The following SMOC1 variants were observed in gnomAD, a reference collection of about 807,000 sequenced individuals.
The protein encoded by SMOC1 is SPARC-related modular calcium-binding protein 1.
In SMOC1, 22 loss-of-function variants were observed where a neutral mutation model predicts 56.3. The observed-to-expected ratio is 0.39, with a 90% confidence interval of 0.28 to 0.56. SMOC1 has a LOEUF of 0.56. Among genes scored for constraint, SMOC1 ranks in the 20% least tolerant of loss-of-function variants. The pLI is 0.61. For missense variants in SMOC1, 509 were observed against 565.4 expected, an observed-to-expected ratio of 0.90 and a Z score of 1.01; for synonymous variants, 193 against 215.0, an observed-to-expected ratio of 0.90 and a Z score of 0.89.
At chr14:69,879,895 T>G in intron 1 of SMOC1, 118 bp downstream of exon 1, 1 of 883,692 alleles carries the variant, frequency 1.1e-6, no homozygotes, top group Non-Finnish European at 1.7e-6. Flanking sequence ...GTCCTCTGTC[T>G]ACTACCAGGT....
chr14:69,969,996 G>A (rs980007037), intron 3 of SMOC1, among the ~76,000 whole-genome samples: 3 of 152,062 alleles, frequency 2.0e-5, no homozygotes, highest in Non-Finnish European at 4.4e-5. Context: ...GGAAAGCAAG[G>A]GTGATTGGTA....
At position 69,978,031 on chromosome 14, in the gene SMOC1, G is replaced by C. The variant is rs1884032533; in HGVS notation, c.526+66G>C. On this transcript the variant is annotated intron_variant, in intron 5 of 11. Transcript: ENST00000361956. ...AAGGTGGTCCAAGCAGGATTTCTTA[G>C]ATGAGATAGAAGGAGCCTGGGGTGA... The C allele has an allele frequency of 3.8e-6, 5 of 1,324,516 alleles. No individual in the cohort carries two copies. The African/African-American group carries it at 7.2e-5, about 19-fold the overall frequency. The allele number at this position is 1,324,516 out of a possible 1,614,324, so 82.0% of individuals were successfully genotyped here. A position where few individuals can be genotyped will look rare whatever the true frequency, so the allele number is the denominator to read the frequency against.
At chr14:69,959,354 C>T (rs550265890) in intron 3 of SMOC1, among the ~76,000 whole-genome samples, 2 of 152,282 alleles carry the variant, frequency 1.3e-5, no homozygotes, top group African/African-American at 2.4e-5. Flanking sequence ...ACTACCACGT[C>T]GCTTTCCATA....
chr14:70,020,236 G>A (rs1172742612), intron 10 of SMOC1, among the ~76,000 whole-genome samples: 1 of 151,700 alleles, frequency 6.6e-6, no homozygotes, highest in African/African-American at 2.4e-5. Flanking sequence ...CTCTGTGTAT[G>A]TCCATTTCTC....
intron 10 of SMOC1, among the ~76,000 whole-genome samples, chr14:70,018,896 G>A (rs764270665): frequency 2.6e-4 from 39 of 152,238 alleles, no homozygotes; most frequent in Non-Finnish European, 4.8e-4. Context: ...CACAGCTGGC[G>A]GGGCCTGGAC....
At chr14:69,901,115 G>C (rs1884231087) in intron 1 of SMOC1, among the ~76,000 whole-genome samples, 1 of 152,212 alleles carries the variant, frequency 6.6e-6, no homozygotes, top group Non-Finnish European at 1.5e-5. Context: ...TAAAATGAGA[G>C]ATATCTTTTC....
At chr14:69,920,713 G>A (rs1473583952) in intron 1 of SMOC1, among the ~76,000 whole-genome samples, 2 of 152,176 alleles carry the variant, frequency 1.3e-5, no homozygotes, top group Non-Finnish European at 2.9e-5. Flanking sequence ...AAAACTTTAC[G>A]TGGGATAAGA....
intron 1 of SMOC1, among the ~76,000 whole-genome samples, chr14:69,903,177 G>A (rs1452919039): frequency 1.3e-5 from 2 of 151,268 alleles, no homozygotes; most frequent in Admixed American, 6.6e-5. Context: ...AGTCAGGAGC[G>A]TCTCTGCCCG....
At chr14:69,970,586 T>C (rs56723492) in intron 3 of SMOC1, among the ~76,000 whole-genome samples, 3,011 of 152,300 alleles carry the variant, frequency 0.02, 92 homozygotes, top group African/African-American at 0.069. Flanking sequence ...AGACCTTTGA[T>C]GGTGACTGAG....
intron 1 of SMOC1, among the ~76,000 whole-genome samples, chr14:69,936,685 C>G (rs1019691968): frequency 3.9e-5 from 6 of 152,200 alleles, no homozygotes; most frequent in Non-Finnish European, 5.9e-5. Context: ...AAAGGCAGGT[C>G]TGGGTCAATC....
At chr14:69,990,619 G>A (rs1302189237) in intron 5 of SMOC1, among the ~76,000 whole-genome samples, 2 of 152,180 alleles carry the variant, frequency 1.3e-5, no homozygotes, top group South Asian at 2.1e-4. Flanking sequence ...GTCAGGGGAA[G>A]TGATGCTATT....
intron 1 of SMOC1, among the ~76,000 whole-genome samples, chr14:69,905,850 C>T (rs570129774): frequency 6.6e-6 from 1 of 152,150 alleles, no homozygotes; most frequent in Non-Finnish European, 1.5e-5. Flanking sequence ...GAGAAGCAGA[C>T]TTGATGAGGG....
At chr14:69,932,450 G>C (rs1451533290) in intron 1 of SMOC1, among the ~76,000 whole-genome samples, 1 of 152,216 alleles carries the variant, frequency 6.6e-6, no homozygotes, top group Non-Finnish European at 1.5e-5. Flanking sequence ...TGAGTGAAAG[G>C]AGTGGTAGAA....
At chr14:69,932,951 T>C (rs1885205470) in intron 1 of SMOC1, among the ~76,000 whole-genome samples, 1 of 152,216 alleles carries the variant, frequency 6.6e-6, no homozygotes, top group Non-Finnish European at 1.5e-5. Flanking sequence ...TTAAAATTTC[T>C]TGAAGACATG....
chr14:69,991,627 A>C (rs1230156496), intron 5 of SMOC1, among the ~76,000 whole-genome samples: 1 of 152,184 alleles, frequency 6.6e-6, no homozygotes, highest in Non-Finnish European at 1.5e-5. Context: ...TGCCAACACT[A>C]TTAGAATGAT....
Position 69,992,405 on chromosome 14 carries a change from C to T in SMOC1, c.527-12C>T. 1 of 1,613,836 alleles carries T rather than the reference C, an allele frequency of 6.2e-7. No homozygotes were observed. Among genetic ancestry groups the T allele is most frequent in the Non-Finnish European group, 8.5e-7 (1 of 1,179,802 alleles). On this transcript the variant is annotated splice_polypyrimidine_tract_variant and intron_variant, in intron 5 of 11. Coordinates refer to ENST00000361956, the MANE Select transcript of SMOC1 (RefSeq NM_001034852.3). The stretch of plus-strand genomic sequence containing the variant: ...GTAGTCTCCTTTCGATTCTTTTTAA[C>T]CCTCAATTCAGATGACGGGTCTAAG...
intron 1 of SMOC1, among the ~76,000 whole-genome samples, chr14:69,930,234 A>ACC (rs1885131239): frequency 6.7e-6 from 1 of 148,212 alleles, no homozygotes; most frequent in African/African-American, 2.5e-5. Context: ...CACCCTTCCC[A>ACC]CCTCTGCACC....
intron 7 of SMOC1, 127 bp downstream of exon 7, chr14:69,994,607 A>G (rs1884700262): frequency 2.6e-6 from 2 of 779,586 alleles, no homozygotes; most frequent in East Asian, 2.5e-5. Flanking sequence ...TTCTATAGCT[A>G]TAAAATAAAG....
rs1436339828 is a variant in SMOC1, at chr14:69,953,497, G to C, written c.343G>C (p.Val115Leu). 6.2e-7 allele frequency: 1 copy of C among 1,614,144 alleles called. No homozygotes were observed. Among genetic ancestry groups the C allele is most frequent in the South Asian group, 1.1e-5 (1 of 91,088 alleles). The change falls in exon 3 of 12, where the codon GTC becomes CTC. Residue 115 changes from valine to leucine, a missense_variant. Val to Leu is a conservative substitution (Grantham distance 32). Coordinates refer to ENST00000361956, the MANE Select transcript of SMOC1 (RefSeq NM_001034852.3). ...CAAGAAGCCTCAGGAAGCTGTGTTT[G>C]TCCCAGAGTGTGGCGAGGATGGCTC... ...QAKKPQEAVF[V>L]PECGEDGSFT...
Sources: allele counts gnomAD v4.1 joint callset (sites outside exome capture counted in the v4.1 genomes callset), GRCh38; gene constraint gnomAD v4.1.1; transcripts MANE v1.5; gene names NCBI Gene and HGNC (gene_info 2026-07-23, HGNC 2026-07-21).